The following DNAH8 variants were observed in gnomAD, a reference collection of about 807,000 sequenced individuals.
DNAH8 encodes dynein axonemal heavy chain 8, also known as axonemal beta dynein heavy chain 8.
In DNAH8, 382 loss-of-function variants were observed where a neutral mutation model predicts 562.1. The ratio of observed to expected loss-of-function variants is 0.68; its 90% CI spans 0.63 to 0.74. The LOEUF is 0.74. Ranked by LOEUF, DNAH8 falls within the 30% of genes least tolerant of loss-of-function variation. The pLI, the probability that DNAH8 is intolerant of heterozygous loss-of-function variation, is 0.00. For synonymous variants in DNAH8, 1,881 were observed against 1,919.4 expected, an observed-to-expected ratio of 0.98 and a Z score of 0.52; for missense variants, 5,203 against 5,620.4, an observed-to-expected ratio of 0.93 and a Z score of 2.37.
At position 38,938,934 on chromosome 6, in the gene DNAH8, A is replaced by G. The variant is rs1305810294; in HGVS notation, c.11953A>G (p.Ile3985Val). 6 of 1,613,956 alleles carry G rather than the reference A, an allele frequency of 3.7e-6. No homozygotes were observed. Among genetic ancestry groups the G allele is most frequent in the South Asian group, 2.2e-5 (2 of 91,066 alleles). ...GTTTGTACTCCTCATGACCTTAAAG[A>G]TTGACCTTCAGAGAGGGACAGTTAA... Reference protein sequence around the residue: ...FLFVLLMTLKIDLQRGTVKHR... With the variant: ...FLFVLLMTLKVDLQRGTVKHR... Residue 3985 changes from isoleucine to valine, a missense_variant, in exon 79 of 93, where the codon ATT (isoleucine) becomes GTT (valine). This residue lies in a region of DNAH8 where 1,399 missense variants were observed against 1,518.4 expected (regional missense o/e 0.92). Transcript: ENST00000327475.
At chr6:39,029,641 G>A (rs1222734771) in intron 92 of DNAH8, among the ~76,000 whole-genome samples, 9 of 152,110 alleles carry the variant, frequency 5.9e-5, no homozygotes, top group African/African-American at 2.2e-4. Flanking sequence ...CCCGCTAGCT[G>A]GGCCTGGCTG....
intron 61 of DNAH8, 107 bp from the exon 62 acceptor site, chr6:38,899,669 C>CT (rs1443739758): frequency 8.0e-7 from 1 of 1,245,376 alleles, no homozygotes; most frequent in East Asian, 2.6e-5. Flanking sequence ...AGGAAAAAGT[C>CT]TAATATCATC....
intron 53 of DNAH8, among the ~76,000 whole-genome samples, chr6:38,877,518 A>G (rs1041598180): frequency 6.6e-6 from 1 of 152,184 alleles, no homozygotes; most frequent in Non-Finnish European, 1.5e-5. Context: ...GGTTGCAGGC[A>G]TTCAGTCTTG....
At chr6:38,897,694 G>A (rs891225665) in intron 60 of DNAH8, among the ~76,000 whole-genome samples, 8 of 152,098 alleles carry the variant, frequency 5.3e-5, no homozygotes, top group African/African-American at 1.9e-4. Context: ...GGTAGGAGGA[G>A]CCATAGAGCC....
chr6:38,789,321 A>G (rs1457988512), intron 18 of DNAH8, among the ~76,000 whole-genome samples: 7 of 152,230 alleles, frequency 4.6e-5, no homozygotes, highest in Non-Finnish European at 8.8e-5. Flanking sequence ...AAATTACAAA[A>G]TAGTAAAAAA....
intron 62 of DNAH8, among the ~76,000 whole-genome samples, chr6:38,903,514 A>G (rs1043710865): frequency 3.3e-5 from 5 of 151,970 alleles, no homozygotes; most frequent in Non-Finnish European, 5.9e-5. Context: ...CGCCTCCAAC[A>G]TTGGTGGTTA....
rs1767458169 is a variant in DNAH8 at position 38,770,464 on chromosome 6, A to C, written c.1669A>C (p.Lys557Gln). 6.2e-7 allele frequency: 1 copy of C among 1,607,942 alleles called. No individual in the cohort carries two copies. Among genetic ancestry groups the C allele is most frequent in the Non-Finnish European group, 8.5e-7 (1 of 1,176,356 alleles). Residue 557 changes from lysine (K) to glutamine (Q), a missense_variant, in exon 12 of 93, where the codon AAA (lysine) becomes CAA (glutamine). By Grantham distance (53) the Lys-to-Gln change is moderately conservative. Around this residue, in one of 6 missense-constraint regions of DNAH8, gnomAD observed 2,176 missense variants for 2,365.1 expected, o/e 0.92. Transcript: ENST00000327475. ...TCAGGCATCTTTTCATAAAACAAGG[A>C]AACTGATTTCAGAATCCTCAGGGGA... ...EYQASFHKTRKLISESSGEKS... is the reference protein window; with the variant it reads ...EYQASFHKTRQLISESSGEKS...
intron 84 of DNAH8, 32 bp from the exon 85 acceptor site, chr6:38,974,342 G>T: frequency 6.5e-7 from 1 of 1,539,214 alleles, no homozygotes; most frequent in East Asian, 2.3e-5. Flanking sequence ...GTAATTTATA[G>T]AAACAAAAGC....
At chr6:38,939,068 C>T in intron 79 of DNAH8, 80 bp downstream of exon 79, 7 of 1,082,258 alleles carry the variant, frequency 6.5e-6, no homozygotes, top group Non-Finnish European at 9.2e-6. Context: ...AAACCCATTT[C>T]TGTGATACAG....
chr6:38,903,148 C>T (rs1375026681), intron 62 of DNAH8, among the ~76,000 whole-genome samples: 2 of 152,106 alleles, frequency 1.3e-5, no homozygotes, highest in East Asian at 1.9e-4. Flanking sequence ...GCATACTCTA[C>T]GCTGTTCTGT....
At chr6:38,806,262 A>G (rs1771264254) in intron 23 of DNAH8, among the ~76,000 whole-genome samples, 1 of 151,610 alleles carries the variant, frequency 6.6e-6, no homozygotes, top group African/African-American at 2.4e-5. Flanking sequence ...TTCTTTTTCT[A>G]TTTTACCCAC....
At chr6:38,827,330 G>A (rs1373239345) in intron 29 of DNAH8, among the ~76,000 whole-genome samples, 3 of 152,242 alleles carry the variant, frequency 2.0e-5, no homozygotes, top group East Asian at 1.9e-4. Context: ...TGGGGATCAG[G>A]ACTTGGATAG....
chr6:38,992,631 C>T (rs1309578848), intron 88 of DNAH8, among the ~76,000 whole-genome samples: 1 of 152,146 alleles, frequency 6.6e-6, no homozygotes, highest in Admixed American at 6.5e-5. Context: ...AGAGCTGGTT[C>T]CTGGATAATC....
At position 38,906,335 on chromosome 6, in the gene DNAH8, C is replaced by T. The variant is rs768508965; in HGVS notation, c.9276C>T (p.Phe3092=). ...GTGCTGATGGAAAAGGCATCACTTT[C>T]ATCTTTACTGACAGTGAAATAAAAG... is the stretch of plus-strand genomic sequence containing the variant. ...VAGADGKGIT[F]IFTDSEIKDE... The change falls in exon 63 of 93, where the codon TTC becomes TTT. Residue 3092 remains phenylalanine, a synonymous_variant. Coordinates refer to ENST00000327475, the MANE Select transcript of DNAH8 (RefSeq NM_001206927.2). 1 of 1,610,968 alleles carries T rather than the reference C, an allele frequency of 6.2e-7. No homozygotes were observed. The highest frequency in any genetic ancestry group is 8.5e-7 in the Non-Finnish European group (1 of 1,178,338).
intron 82 of DNAH8, among the ~76,000 whole-genome samples, chr6:38,958,669 A>AAAAG (rs1554145830): frequency 8.1e-5 from 12 of 148,020 alleles, no homozygotes; most frequent in African/African-American, 3.0e-4. Flanking sequence ...AAAAAAAAAA[A>AAAAG]GCCCAGGAAC....
rs765563949 is a variant in DNAH8, at chr6:38,863,932, G to T, written c.6370G>T (p.Val2124Leu). 2 of 1,612,878 alleles carry T rather than the reference G, an allele frequency of 1.2e-6. No individual in the cohort carries two copies. The highest frequency in any genetic ancestry group is 3.3e-5 in the Admixed American group (2 of 59,774). Residue 2124 changes from valine to leucine, a missense_variant, in exon 45 of 93, where the codon GTA (valine) becomes TTA (leucine). By Grantham distance (32) the Val-to-Leu change is conservative. Coordinates refer to ENST00000327475, the MANE Select transcript of DNAH8 (RefSeq NM_001206927.2). Reference protein sequence around the residue: ...FDEFNRIELPVLSVAAQQIYI... With the variant: ...FDEFNRIELPLLSVAAQQIYI... ...TGAGTTTAACAGAATTGAATTGCCT[G>T]TATTATCAGTGGCAGCACAACAAAT...
chr6:38,735,730 A>G (rs1764026328), intron 5 of DNAH8, among the ~76,000 whole-genome samples: 1 of 152,230 alleles, frequency 6.6e-6, no homozygotes, highest in Non-Finnish European at 1.5e-5. Flanking sequence ...TCATAACCGA[A>G]AAACTGACTT....
chr6:38,833,044 A>G (rs557289359), intron 31 of DNAH8, among the ~76,000 whole-genome samples: 6 of 152,210 alleles, frequency 3.9e-5, no homozygotes, highest in African/African-American at 1.2e-4. Context: ...GAGAACCAAA[A>G]AGGTCCCTAA....
At chr6:38,836,217 G>T (rs866954150) in intron 32 of DNAH8, among the ~76,000 whole-genome samples, 5 of 152,176 alleles carry the variant, frequency 3.3e-5, no homozygotes, top group Middle Eastern at 3.4e-3. Context: ...GAAAATTTAG[G>T]GCATGTGATG....
Sources: gnomAD v4.1 joint callset for allele counts (sites outside exome capture counted in the v4.1 genomes callset) on GRCh38, gnomAD v4.1.1 for gene constraint, gnomAD v4.1.1 regional missense constraint, MANE v1.5 for transcripts, NCBI Gene and HGNC (gene_info 2026-07-23, HGNC 2026-07-21) for gene names.